Variants in XDH observed in about 807,000 individuals in gnomAD.
XDH encodes xanthine dehydrogenase, also known as xanthine dehydrogenase/oxidase.
A neutral mutation model predicts 156.1 loss-of-function variants in XDH; 138 were observed. The observed-to-expected ratio is 0.88, with a 90% CI of 0.77 to 1.02. The LOEUF is 1.02. XDH is among the 50% of genes least tolerant of loss of function. XDH has a pLI of 0.00. For synonymous variants in XDH, 669 were observed against 625.7 expected (o/e 1.07, Z -1.03); for missense variants, 1,849 against 1,684.9 (o/e 1.10, Z -1.71).
rs7558538 is a variant in XDH, at chr2:31,378,055, G to A, written c.1243-818C>T. On this transcript the variant is annotated intron_variant, in intron 13 of 35. Coordinates refer to ENST00000379416, the MANE Select transcript of XDH (RefSeq NM_000379.4). Reference sequence around the variant, plus strand: ...AAAAAGAGAAGAAAGAGAAAGAAAGGAAGAAAGAAAGAAAGAAAGAAAGAA... The same window carrying A: ...AAAAAGAGAAGAAAGAGAAAGAAAGAAAGAAAGAAAGAAAGAAAGAAAGAA... 3.0e-3 allele frequency among the ~76,000 whole-genome samples: 198 copies of A among 65,450 alleles called. 1 individual carries two copies. Among genetic ancestry groups the A allele is most frequent in the Middle Eastern group, 0.018 (2 of 114 alleles). The allele number at this position is 65,450 out of a possible 152,430, so 42.9% of individuals were successfully genotyped here.
In XDH at chr2:31,346,832, C is replaced by T. The variant is rs757506417; in HGVS notation, c.3288G>A (p.Gln1096=). Residue 1096 remains glutamine, a synonymous_variant, in exon 30 of 36, where the codon CAG becomes CAA. Coordinates refer to ENST00000379416, the MANE Select transcript of XDH (RefSeq NM_000379.4). ...AGGGTTCCAGCCTTTTCAAGATGGTCTGACAAGCCGCCTAAAGTAAACACC... is the reference window on the plus strand; with the variant it reads ...AGGGTTCCAGCCTTTTCAAGATGGTTTGACAAGCCGCCTAAAGTAAACACC... ...LNGQAVYAAC[Q]TILKRLEPYK... The T allele has an allele frequency of 5.0e-6, 8 of 1,613,962 alleles. No individual in the cohort carries two copies. The Admixed American group carries it at 5.0e-5, about 10-fold the overall frequency.
In XDH at chr2:31,383,750, C is replaced by T. The variant is rs757314976; in HGVS notation, c.886+5G>A. ...TCCATAAGCTTGGAGTGAACCTCCT[C>T]TTACCGTCGGGTCCATGTTCTACCG... On this transcript the variant is annotated splice_donor_5th_base_variant and intron_variant, in intron 10 of 35. Coordinates refer to ENST00000379416, the MANE Select transcript of XDH (RefSeq NM_000379.4). 9 of 1,613,494 alleles carry T rather than the reference C, an allele frequency of 5.6e-6. No individual in the cohort carries two copies. In the Admixed American group the frequency reaches 1.5e-4, roughly 27 times the overall value.
Position 31,341,331 on chromosome 2 carries a change from G to A in XDH, c.3583C>T (p.Gln1195Ter). Residue 1195 changes from glutamine (Q) to a stop codon, truncating the protein, a stop_gained and splice_region_variant, in exon 33 of 36, where the codon CAG becomes TAG. Coordinates refer to ENST00000379416, the MANE Select transcript of XDH (RefSeq NM_000379.4). LOFTEE classifies it high-confidence loss of function. Reference sequence around the variant, plus strand: ...ACCCTGGTCCCACTGAGCCTCACCTGTCCAATATCAATGGCAGGGTTTAGA... The same window carrying A: ...ACCCTGGTCCCACTGAGCCTCACCTATCCAATATCAATGGCAGGGTTTAGA... ...SSLNPAIDIG[Q>*]VEGAFVQGLG... 1.3e-6 allele frequency: 2 copies of A among 1,571,282 alleles called. No individual in the cohort carries two copies. The highest frequency in any genetic ancestry group is 1.7e-6 in the Non-Finnish European group (2 of 1,155,584).
chr2:31,347,605 TG>T lies in XDH; in HGVS notation c.3192del (p.Ser1065AlafsTer35). 6.2e-7 allele frequency: 1 copy of T among 1,614,172 alleles called. No homozygotes were observed. The highest frequency in any genetic ancestry group is 8.5e-7 in the Non-Finnish European group (1 of 1,180,040). On this transcript the variant is annotated frameshift_variant, in exon 29 of 36. Transcript: ENST00000379416. LOFTEE classifies it high-confidence loss of function. Reference sequence around the variant, plus strand: ...GGCACAGTGTTAGTGCTTGTCTCGCTGATATAAATCTTAGAGGTGGGGATTT... The same window carrying T: ...GGCACAGTGTTAGTGCTTGTCTCGCTATATAAATCTTAGAGGTGGGGATTT... ...ALKIPTSKIY[I>X]SETSTNTVPN...
intron 12 of XDH, among the ~76,000 whole-genome samples, chr2:31,380,211 G>A (rs1308508805): frequency 6.6e-6 from 1 of 152,194 alleles, no homozygotes; most frequent in Non-Finnish European, 1.5e-5. Context: ...GAAAAGCCCT[G>A]GTTTATAGCA....
chr2:31,370,069 G>A (rs1345962407), intron 18 of XDH, among the ~76,000 whole-genome samples: 1 of 152,210 alleles, frequency 6.6e-6, no homozygotes, highest in Non-Finnish European at 1.5e-5. Flanking sequence ...AGAGCTTACT[G>A]TTGTCCCTTA....
intron 6 of XDH, among the ~76,000 whole-genome samples, chr2:31,389,869 T>C (rs1239778846): frequency 6.6e-6 from 1 of 151,170 alleles, no homozygotes; most frequent in Non-Finnish European, 1.5e-5. Context: ...TTTTTTAGAG[T>C]GGTTTAAGGT....
At chr2:31,404,689 G>T (rs1016882688) in intron 2 of XDH, among the ~76,000 whole-genome samples, 1 of 152,066 alleles carries the variant, frequency 6.6e-6, no homozygotes, top group Non-Finnish European at 1.5e-5. Context: ...CAGGTAGATG[G>T]GCTGTAAATG....
chr2:31,380,463 T>G (rs1330629143), intron 12 of XDH, among the ~76,000 whole-genome samples: 2 of 152,240 alleles, frequency 1.3e-5, no homozygotes, highest in East Asian at 3.8e-4. Context: ...GAACCCCTGC[T>G]TTCCTTCTGG....
chr2:31,407,598 T>G (rs1687228189), intron 1 of XDH, among the ~76,000 whole-genome samples: 1 of 151,996 alleles, frequency 6.6e-6, no homozygotes, highest in Non-Finnish European at 1.5e-5. Flanking sequence ...TTGAAAGCCA[T>G]CACAAGAAGA....
In XDH at chr2:31,344,677, T is replaced by C; in HGVS notation, c.3404+7A>G. The C allele has an allele frequency of 3.7e-6, 6 of 1,614,102 alleles. No individual in the cohort carries two copies. The highest frequency in any genetic ancestry group is 1.1e-5 in the South Asian group (1 of 91,072). On this transcript the variant is annotated splice_region_variant and intron_variant, in intron 31 of 35. Transcript: ENST00000379416. ...TATGAGCTGGGCAAGGACAACACCA[T>C]ACTTACCTATAAAACCCAGTGGCAG...
At chr2:31,378,109 AG>A (rs1172043981) in intron 13 of XDH, among the ~76,000 whole-genome samples, 2,500 of 39,624 alleles carry the variant, frequency 0.063, 20 homozygotes, top group Non-Finnish European at 0.079. Flanking sequence ...AAAGAAAGAA[AG>A]GAAGGAAGGA....
chr2:31,348,140 C>A, intron 28 of XDH, 128 bp downstream of exon 28: 1 of 935,922 alleles, frequency 1.1e-6, no homozygotes. Flanking sequence ...CCCGAGGCTA[C>A]ACGGACATAA....
intron 21 of XDH, 55 bp downstream of exon 21, chr2:31,366,815 C>G: frequency 6.2e-7 from 1 of 1,612,408 alleles, no homozygotes; most frequent in Non-Finnish European, 8.5e-7. Context: ...TCCTGGTCTG[C>G]TAGGAGCTCC....
chr2:31,379,778 G>T, intron 13 of XDH, 89 bp downstream of exon 13: 1 of 1,244,992 alleles, frequency 8.0e-7, no homozygotes, highest in Non-Finnish European at 1.2e-6. Flanking sequence ...TGCTCAGGTT[G>T]GTCCCTGAAG....
rs777847921 is a variant in XDH, at chr2:31,365,527, C to T, written c.2474G>A (p.Arg825Gln). 27 of 1,614,054 alleles carry T rather than the reference C, an allele frequency of 1.7e-5. No homozygotes were observed. Among genetic ancestry groups the T allele is most frequent in the Admixed American group, 8.3e-5 (5 of 60,002 alleles). Residue 825 changes from arginine (R) to glutamine (Q), a missense_variant, in exon 23 of 36, where the codon CGA (arginine) becomes CAA (glutamine). Physicochemically the swap from Arg to Gln is conservative, Grantham distance 43. Transcript: ENST00000379416. ...LAAYKTGRPV[R>Q]CMLDRDEDML... ...GTCCTCATCACGGTCCAGCATGCAT[C>T]GCACAGGGCGGCCGGTCCTGGGGGT...
intron 24 of XDH, among the ~76,000 whole-genome samples, chr2:31,353,903 T>G (rs1342602905): frequency 2.6e-5 from 4 of 152,124 alleles, no homozygotes; most frequent in Admixed American, 2.6e-4. Flanking sequence ...GTCAAGACTT[T>G]CATTGCTGAT....
intron 24 of XDH, among the ~76,000 whole-genome samples, chr2:31,360,072 A>T (rs1685737320): frequency 6.6e-6 from 1 of 152,232 alleles, no homozygotes; most frequent in Non-Finnish European, 1.5e-5. Context: ...TGATCACCCA[A>T]ACACCAGTTT....
At chr2:31,404,809 G>A (rs987478351) in intron 2 of XDH, among the ~76,000 whole-genome samples, 1 of 152,074 alleles carries the variant, frequency 6.6e-6, no homozygotes, top group Non-Finnish European at 1.5e-5. Flanking sequence ...AAAAAATCCA[G>A]AACAAAGTAC....
Sources: allele counts gnomAD v4.1 joint callset (sites outside exome capture counted in the v4.1 genomes callset), GRCh38; gene constraint gnomAD v4.1.1; transcripts MANE v1.5; gene names NCBI Gene and HGNC (gene_info 2026-07-23, HGNC 2026-07-21).